Variants in AP3D1 observed in about 807,000 individuals in gnomAD.
AP3D1 encodes the protein adaptor related protein complex 3 subunit delta 1.
In AP3D1, 51 loss-of-function variants were observed where a neutral mutation model predicts 147.6. The observed-to-expected ratio is 0.35, with a 90% CI of 0.28 to 0.44. AP3D1 has a LOEUF of 0.44. Among genes scored for constraint, AP3D1 ranks in the 20% least tolerant of loss-of-function variants. AP3D1 has a pLI of 1.00. For synonymous variants in AP3D1, 760 were observed against 663.0 expected (o/e 1.15, Z -2.25); for missense variants, 1,421 against 1,624.2 (o/e 0.87, Z 2.15).
At chr19:2,143,434 A>G (rs1330454149) in intron 1 of AP3D1, among the ~76,000 whole-genome samples, 2 of 150,374 alleles carry the variant, frequency 1.3e-5, no homozygotes, top group Admixed American at 6.6e-5. Context: ...TAGAGACGGG[A>G]TTTCGCCGTG....
intron 31 of AP3D1, among the ~76,000 whole-genome samples, chr19:2,104,493 A>G (rs1191060118): frequency 1.7e-5 from 2 of 120,418 alleles, no homozygotes; most frequent in Non-Finnish European, 3.3e-5. Flanking sequence ...CCCCAACACC[A>G]AGACACCAAT....
chr19:2,139,227 T>A (rs1444750574), intron 1 of AP3D1, among the ~76,000 whole-genome samples: 13 of 152,206 alleles, frequency 8.5e-5, no homozygotes, highest in Non-Finnish European at 2.9e-5. Flanking sequence ...GCTTTCTTTC[T>A]AGGCTGATAA....
intron 4 of AP3D1, 40 bp from the exon 5 acceptor site, chr19:2,132,618 G>T: frequency 6.4e-7 from 1 of 1,566,556 alleles, no homozygotes; most frequent in Non-Finnish European, 8.8e-7. Context: ...AGGATGCCCT[G>T]GGTGGCACAT....
At chr19:2,130,085 G>A (rs1410079333) in intron 6 of AP3D1, among the ~76,000 whole-genome samples, 1 of 152,186 alleles carries the variant, frequency 6.6e-6, no homozygotes, top group African/African-American at 2.4e-5. Flanking sequence ...CGGGACATAT[G>A]GTCTAGACCA....
rs377518920 is a variant in AP3D1, at chr19:2,102,785, T to A, written c.3553-517A>T. Among the ~76,000 whole-genome samples, 12 of 142,150 alleles carry A rather than the reference T, an allele frequency of 8.4e-5. 1 individual carries two copies. The highest frequency in any genetic ancestry group is 6.8e-4 in the South Asian group (3 of 4,422). 93.3% of individuals were successfully genotyped at this position (142,150 alleles called of 152,430 possible). ...TAAATAAATAAATAAATAAATAAAA[T>A]AAAAATAAAAAATGTGCCGGGCATC... On this transcript the variant is annotated intron_variant, in intron 31 of 31. Transcript: ENST00000643116.
rs778412824 is a variant in AP3D1, at chr19:2,121,085, T to C, written c.1258A>G (p.Ser420Gly). 1.2e-6 allele frequency: 2 copies of C among 1,613,770 alleles called. No homozygotes were observed. Among genetic ancestry groups the C allele is most frequent in the African/African-American group, 1.3e-5 (1 of 75,054 alleles). ...AGCCGGGTCAGCTCCACCAGGATGCTGATGTACCTGTGGGGCAGAGGCGGT... is the reference window on the plus strand; with the variant it reads ...AGCCGGGTCAGCTCCACCAGGATGCCGATGTACCTGTGGGGCAGAGGCGGT... ...QYITNFEWYISILVELTRLEG... is the reference protein window; with the variant it reads ...QYITNFEWYIGILVELTRLEG... Residue 420 changes from serine to glycine, a missense_variant, in exon 14 of 32, where the codon AGC becomes GGC. Around this residue, in one of 6 missense-constraint regions of AP3D1, gnomAD observed 310 missense variants for 388.1 expected, o/e 0.80. Coordinates refer to ENST00000643116, the MANE Select transcript of AP3D1 (RefSeq NM_001261826.3).
At chr19:2,164,352 T>A (rs12985346) in intron 1 of AP3D1, 342,647 of 935,540 alleles carry the variant, frequency 0.37, 66,800 homozygotes, top group Non-Finnish European at 0.4. Context: ...CAAGCCGCGC[T>A]CACCGGTCCC....
At chr19:2,151,101 G>A in intron 1 of AP3D1, 138 bp downstream of exon 1, 1 of 770,320 alleles carries the variant, frequency 1.3e-6, no homozygotes, top group Non-Finnish European at 2.0e-6. Context: ...AGGCCAGGCA[G>A]GGCCGGAGCC....
At chr19:2,111,609 A>C in intron 25 of AP3D1, 70 bp downstream of exon 25, 4 of 1,487,536 alleles carry the variant, frequency 2.7e-6, no homozygotes, top group Non-Finnish European at 3.6e-6. Context: ...TGGAGGCTGC[A>C]GGAGTGGGGA....
intron 1 of AP3D1, among the ~76,000 whole-genome samples, chr19:2,159,034 A>G (rs2019672406): frequency 6.6e-6 from 1 of 152,000 alleles, no homozygotes; most frequent in African/African-American, 2.4e-5. Flanking sequence ...ATCTGTCACC[A>G]GGCTAGAGTG....
chr19:2,111,505 A>G (rs2018275735), intron 25 of AP3D1, 173 bp from the exon 26 acceptor site: 1 of 1,198,110 alleles, frequency 8.3e-7, no homozygotes, highest in Non-Finnish European at 1.2e-6. Context: ...ACAGCCCACC[A>G]CGGGGGTGCC....
At chr19:2,103,240 G>A (rs1244897256) in intron 31 of AP3D1, among the ~76,000 whole-genome samples, 1 of 151,994 alleles carries the variant, frequency 6.6e-6, no homozygotes, top group Non-Finnish European at 1.5e-5. Context: ...AATGGGAAGG[G>A]CTCGGGTGAG....
At chr19:2,132,367 ACCCCGGCCGGTTTCCGCAT>A in intron 5 of AP3D1, 85 bp downstream of exon 5, 1 of 1,031,044 alleles carries the variant, frequency 9.7e-7, no homozygotes. Flanking sequence ...CGCACCGGGG[ACCCCGGCCGGTTTCCGCAT>A]AGCCAAGCTT....
rs201818224 is a variant in AP3D1, at chr19:2,117,353, C to T, written c.1728G>A (p.Leu576=). 1.2e-4 allele frequency: 187 copies of T among 1,606,736 alleles called. 1 individual carries two copies. The South Asian group carries it at 2.0e-3, about 17-fold the overall frequency. Residue 576 remains leucine, a synonymous_variant, in exon 16 of 32, where the codon CTG becomes CTA. Transcript: ENST00000643116. ...LEVQERASCI[L]QLVKHIQKLQ... ...GCTTCTGGATGTGCTTGACCAGCTG[C>T]AGGATGCAGGACGCCTGTGGGGGAC... is the stretch of plus-strand genomic sequence containing the variant.
Position 2,129,742 on chromosome 19 carries a change from GCCC to G in AP3D1, c.593-288_593-286del, listed in dbSNP as rs1568296145. 3.9e-5 allele frequency among the ~76,000 whole-genome samples: 6 copies of G among 152,366 alleles called. No individual in the cohort carries two copies. The South Asian group carries it at 1.2e-3, about 32-fold the overall frequency. ...CCAAGCTCAGGACAGCCTGACAGCG[GCCC>G]TCTGAGTGGGGGTTTCAGCATGAGG... On this transcript the variant is annotated intron_variant, in intron 6 of 31. Transcript: ENST00000643116.
At position 2,102,225 on chromosome 19, in the gene AP3D1, G is replaced by A. The variant is rs200727342; in HGVS notation, c.3596C>T (p.Thr1199Met). Reference protein sequence around the residue: ...VSVDGKCSDSTLLSNLLEEMK... With the variant: ...VSVDGKCSDSMLLSNLLEEMK... ...CTCTTCTAACAAGTTGCTCAGTAGC[G>A]TGGAGTCACTGCACTTCCCGTCGAC... is the stretch of plus-strand genomic sequence containing the variant. The change falls in exon 32 of 32, where the codon ACG (threonine) becomes ATG (methionine). Residue 1199 changes from threonine to methionine, a missense_variant. By Grantham distance (81) the Thr-to-Met change is moderately conservative (BLOSUM62 -1). Transcript: ENST00000643116. The A allele has an allele frequency of 7.4e-5, 120 of 1,614,028 alleles. No homozygotes were observed. Among genetic ancestry groups the A allele is most frequent in the African/African-American group, 5.6e-4 (42 of 75,036 alleles).
Position 2,151,411 on chromosome 19 carries a change from G to A in AP3D1, c.-77C>T, listed in dbSNP as rs1265809157. On this transcript the variant is annotated 5_prime_UTR_variant, in exon 1 of 32. Transcript: ENST00000643116. ...AGGGGGCCCGGGGCCCGTGCCTGCC[G>A]CCCGCGGAGCGCCGCGCTGCCGGCC... The A allele has an allele frequency of 1.1e-5, 11 of 966,666 alleles. No homozygotes were observed. Among genetic ancestry groups the A allele is most frequent in the East Asian group, 5.2e-5 (1 of 19,384 alleles). The allele number at this position is 966,666 out of a possible 1,614,324, so 59.9% of individuals were successfully genotyped here.
intron 15 of AP3D1, 65 bp downstream of exon 15, chr19:2,118,536 C>T (rs1315463591): frequency 2.0e-6 from 3 of 1,490,600 alleles, no homozygotes; most frequent in Non-Finnish European, 1.8e-6. Context: ...GACCTGGCCG[C>T]CACTGGACAG....
In AP3D1 at chr19:2,130,466, G is replaced by C; in HGVS notation, c.534C>G (p.Pro178=). The C allele has an allele frequency of 6.2e-7, 1 of 1,614,030 alleles. No individual in the cohort carries two copies. The highest frequency in any genetic ancestry group is 8.5e-7 in the Non-Finnish European group (1 of 1,180,020). Residue 178 remains proline (P), a synonymous_variant, in exon 6 of 32, where the codon CCC becomes CCG. Transcript: ENST00000643116. ...LIMYKVFLKY[P]ESLRPAFPRL... is the part of the protein sequence containing the mutation. ...GGGGAAAGGCAGGGCGCAGCGACTC[G>C]GGGTACTTCAGGAACACCTTGTACA...
Sources: allele counts gnomAD v4.1 joint callset (sites outside exome capture counted in the v4.1 genomes callset), GRCh38; gene constraint gnomAD v4.1.1; regional missense constraint gnomAD v4.1.1; transcripts MANE v1.5; gene names NCBI Gene and HGNC (gene_info 2026-07-23, HGNC 2026-07-21).